The following DOCK1 variants were observed in gnomAD, a reference collection of about 807,000 sequenced individuals.
The protein encoded by DOCK1 is dedicator of cytokinesis 1, also known as dedicator of cytokinesis protein 1.
Under a neutral mutation model 262.7 loss-of-function variants are expected in DOCK1, and 138 were observed. That is an observed-to-expected ratio of 0.53 (90% CI 0.46 to 0.61). The LOEUF (loss-of-function observed/expected upper bound fraction) is 0.61, where lower values mean the gene tolerates loss of function less well. Ranked by LOEUF, DOCK1 falls within the 20% of genes least tolerant of loss-of-function variation. The pLI is 0.00. For synonymous variants in DOCK1, 866 were observed against 867.4 expected (o/e 1.00, Z 0.03); for missense variants, 1,908 against 2,370.7 (o/e 0.80, Z 4.05).
At chr10:127,035,736 G>A (rs2043550494) in intron 18 of DOCK1, among the ~76,000 whole-genome samples, 1 of 152,108 alleles carries the variant, frequency 6.6e-6, no homozygotes, top group South Asian at 2.1e-4. Context: ...TTGCCCAGGT[G>A]CAGTGGCTCA....
intron 38 of DOCK1, 70 bp downstream of exon 38, chr10:127,384,979 T>G: frequency 7.1e-7 from 1 of 1,405,182 alleles, no homozygotes; most frequent in African/African-American, 1.5e-5. Flanking sequence ...TGTAAACACG[T>G]TTTTTAGCGT....
chr10:127,086,043 A>G (rs1284598165), intron 23 of DOCK1, among the ~76,000 whole-genome samples: 3 of 152,158 alleles, frequency 2.0e-5, no homozygotes, highest in Admixed American at 6.5e-5. Context: ...TGAAGGCCAG[A>G]TGCTATGGGA....
intron 27 of DOCK1, among the ~76,000 whole-genome samples, chr10:127,170,412 C>T (rs1032180463): frequency 2.6e-5 from 4 of 152,204 alleles, no homozygotes; most frequent in Non-Finnish European, 5.9e-5. Flanking sequence ...ATCTGCTTCA[C>T]TCTGGGCAGT....
chr10:127,229,737 G>T lies in DOCK1; in HGVS notation c.2848-18271G>T, dbSNP rs149188358. On this transcript the variant is annotated intron_variant, in intron 27 of 51. Transcript: ENST00000623213. ...AACATATTGATTTCATTTCCTTTGGGTATATTCTCAGAAGTGGGATTGCAG... is the reference window on the plus strand; with the variant it reads ...AACATATTGATTTCATTTCCTTTGGTTATATTCTCAGAAGTGGGATTGCAG... 3.4e-3 allele frequency among the ~76,000 whole-genome samples: 512 copies of T among 152,162 alleles called. 3 individuals are homozygous for T. Among genetic ancestry groups the T allele is most frequent in the Non-Finnish European group, 6.2e-3 (423 of 68,002 alleles).
chr10:126,907,576 T>C (rs1459305462), intron 1 of DOCK1, among the ~76,000 whole-genome samples: 1 of 152,080 alleles, frequency 6.6e-6, no homozygotes, highest in African/African-American at 2.4e-5. Context: ...GGGGAGGGCT[T>C]CTCTTTGGGA....
chr10:126,953,833 C>T (rs2134440219), intron 1 of DOCK1, among the ~76,000 whole-genome samples: 1 of 152,168 alleles, frequency 6.6e-6, no homozygotes, highest in East Asian at 1.9e-4. Context: ...CATTGGGGAA[C>T]TGCAGGGAGA....
At chr10:127,354,769 C>G in intron 32 of DOCK1, 42 bp downstream of exon 32, 2 of 1,611,998 alleles carry the variant, frequency 1.2e-6, no homozygotes, top group South Asian at 2.2e-5. Context: ...TATCTTGCAT[C>G]CCTGGTGGGT....
At chr10:127,292,820 G>A (rs954429501) in intron 29 of DOCK1, among the ~76,000 whole-genome samples, 3 of 152,116 alleles carry the variant, frequency 2.0e-5, no homozygotes, top group Non-Finnish European at 2.9e-5. Context: ...AAAACCTGCC[G>A]ATGATGTGAA....
chr10:126,913,592 G>T (rs746709822), intron 1 of DOCK1, among the ~76,000 whole-genome samples: 17 of 152,144 alleles, frequency 1.1e-4, no homozygotes, highest in Admixed American at 6.5e-4. Flanking sequence ...ATGACACCGG[G>T]CTTCTTGATG....
intron 28 of DOCK1, among the ~76,000 whole-genome samples, chr10:127,251,178 G>A (rs1232704555): frequency 6.6e-6 from 1 of 151,856 alleles, no homozygotes; most frequent in African/African-American, 2.4e-5. Context: ...TGTTGGTCAG[G>A]CTGGTCTCCA....
intron 12 of DOCK1, among the ~76,000 whole-genome samples, chr10:127,015,620 G>A (rs1024816876): frequency 3.3e-5 from 5 of 152,106 alleles, no homozygotes; most frequent in Non-Finnish European, 4.4e-5. Context: ...AAGGGGCACC[G>A]TCTCTGTAAG....
chr10:127,339,372 G>A (rs1034789597), intron 30 of DOCK1, among the ~76,000 whole-genome samples: 26 of 152,100 alleles, frequency 1.7e-4, no homozygotes, highest in Non-Finnish European at 2.5e-4. Flanking sequence ...ACCAAGTCCC[G>A]GTGTGTGTAT....
intron 40 of DOCK1, among the ~76,000 whole-genome samples, chr10:127,407,776 C>A (rs1381544835): frequency 6.6e-6 from 1 of 152,070 alleles, no homozygotes; most frequent in Non-Finnish European, 1.5e-5. Context: ...TCCCCCGTGT[C>A]CCCTGATCAA....
intron 29 of DOCK1, among the ~76,000 whole-genome samples, chr10:127,337,634 G>A (rs939648343): frequency 2.0e-5 from 3 of 152,210 alleles, no homozygotes; most frequent in East Asian, 1.9e-4. Flanking sequence ...CAATGCCTGC[G>A]TCCCTCCATT....
rs764156865 is a variant in DOCK1, at chr10:127,175,538, G to A, written c.2847+47774G>A. The stretch of plus-strand genomic sequence containing the variant: ...TGAGATGTGTGGCTCTCCTCCGCTC[G>A]TCATCTGCCGGGCAGAGTGACCACT... On this transcript the variant is annotated intron_variant, in intron 27 of 51. Coordinates refer to ENST00000623213, the MANE Select transcript of DOCK1 (RefSeq NM_001290223.2). The surrounding 1 kb of genome is among the most constrained non-coding windows in gnomAD (Gnocchi z 6.3). 30 of 1,610,442 alleles carry A rather than the reference G, an allele frequency of 1.9e-5. No individual in the cohort carries two copies. The highest frequency in any genetic ancestry group is 8.9e-5 in the East Asian group (4 of 44,878).
At chr10:126,921,381 G>C (rs1161516008) in intron 1 of DOCK1, among the ~76,000 whole-genome samples, 2 of 152,136 alleles carry the variant, frequency 1.3e-5, no homozygotes, top group African/African-American at 4.8e-5. Context: ...ATGAAACACC[G>C]ATCATGCTAC....
intron 27 of DOCK1, among the ~76,000 whole-genome samples, chr10:127,208,910 C>T (rs2057843773): frequency 6.6e-6 from 1 of 152,082 alleles, no homozygotes. Flanking sequence ...GTGGAGCTTC[C>T]TTATTAATTA....
intron 6 of DOCK1, among the ~76,000 whole-genome samples, chr10:126,991,602 C>T (rs1455458950): frequency 1.3e-5 from 2 of 151,914 alleles, no homozygotes; most frequent in East Asian, 3.9e-4. Context: ...TGATCTTGGC[C>T]CATTGCAATC....
intron 27 of DOCK1, among the ~76,000 whole-genome samples, chr10:127,217,287 C>T (rs1342375419): frequency 6.6e-6 from 1 of 152,330 alleles, no homozygotes; most frequent in South Asian, 2.1e-4. Context: ...CCCTGTGAAA[C>T]TGCAGAACAT....
Sources: allele counts gnomAD v4.1 joint callset (sites outside exome capture counted in the v4.1 genomes callset), GRCh38; gene constraint gnomAD v4.1.1; non-coding constraint Gnocchi (gnomAD v3.1); transcripts MANE v1.5; gene names NCBI Gene and HGNC (gene_info 2026-07-23, HGNC 2026-07-21).